TRPC4AP: variants seen among roughly 807,000 people sequenced by gnomAD.
TRPC4AP encodes the protein short transient receptor potential channel 4-associated protein.
TRPC4AP carries 45 observed loss-of-function variants against 99.0 expected under a neutral mutation model. The ratio of observed to expected loss-of-function variants is 0.45; its 90% confidence interval spans 0.36 to 0.58. TRPC4AP has a LOEUF of 0.58. Ranked by LOEUF, TRPC4AP falls within the 20% of genes least tolerant of loss-of-function variation. The probability of loss-of-function intolerance (pLI) is 0.00; values close to 1 mark genes in which losing one functional copy is unlikely to be tolerated. For synonymous variants in TRPC4AP, 408 were observed against 385.8 expected (o/e 1.06, Z -0.67); for missense variants, 879 against 985.3 (o/e 0.89, Z 1.44).
At chr20:35,020,410 C>T (rs1297459678) in intron 9 of TRPC4AP, among the ~76,000 whole-genome samples, 1 of 152,220 alleles carries the variant, frequency 6.6e-6, no homozygotes, top group East Asian at 1.9e-4. Flanking sequence ...CGCGCTGCCT[C>T]ACTGTTCCAG....
At chr20:35,031,415 T>TTTTC (rs1555907105) in intron 8 of TRPC4AP, among the ~76,000 whole-genome samples, 3 of 109,692 alleles carry the variant, frequency 2.7e-5, no homozygotes, top group Non-Finnish European at 3.6e-5. Context: ...TTTTTTTTTT[T>TTTTC]CAAAGAGATG....
intron 11 of TRPC4AP, among the ~76,000 whole-genome samples, chr20:35,012,422 T>A (rs2147276525): frequency 6.6e-6 from 1 of 152,352 alleles, no homozygotes; most frequent in South Asian, 2.1e-4. Flanking sequence ...CTGAAATTCT[T>A]GTTCACTAAG....
intron 1 of TRPC4AP, among the ~76,000 whole-genome samples, chr20:35,084,578 ATATATGTTTATATG>A (rs2084762036): frequency 7.4e-6 from 1 of 135,896 alleles, no homozygotes; most frequent in Admixed American, 7.8e-5. Context: ...GTGTATATGT[ATATATGTTTATATG>A]CATATATGTG....
chr20:35,082,252 A>C (rs954994280), intron 1 of TRPC4AP, among the ~76,000 whole-genome samples: 1 of 152,236 alleles, frequency 6.6e-6, no homozygotes. Context: ...ATATTTTAAC[A>C]CAATTAAACA....
chr20:35,089,781 G>A (rs1424579060), intron 1 of TRPC4AP, among the ~76,000 whole-genome samples: 1 of 152,092 alleles, frequency 6.6e-6, no homozygotes, highest in Non-Finnish European at 1.5e-5. Flanking sequence ...GGGAGACGGA[G>A]GATGCAGTGA....
At chr20:35,032,167 G>A (rs2083210288) in intron 8 of TRPC4AP, among the ~76,000 whole-genome samples, 1 of 152,194 alleles carries the variant, frequency 6.6e-6, no homozygotes, top group African/African-American at 2.4e-5. Flanking sequence ...TGGGATTACA[G>A]GTGTGCACCA....
intron 1 of TRPC4AP, among the ~76,000 whole-genome samples, chr20:35,090,103 A>G (rs1264988695): frequency 3.5e-5 from 1 of 28,312 alleles, no homozygotes; most frequent in Non-Finnish European, 1.0e-4. Context: ...TTCTGTCTCA[A>G]AAAAAAAAAA....
At chr20:35,066,256 C>T (rs2084142516) in intron 3 of TRPC4AP, among the ~76,000 whole-genome samples, 1 of 152,054 alleles carries the variant, frequency 6.6e-6, no homozygotes, top group Non-Finnish European at 1.5e-5. Flanking sequence ...AGGCCATGTG[C>T]TACCACAATC....
At chr20:35,029,895 C>T (rs1321044308) in intron 8 of TRPC4AP, among the ~76,000 whole-genome samples, 1 of 146,366 alleles carries the variant, frequency 6.8e-6, no homozygotes, top group Non-Finnish European at 1.5e-5. Flanking sequence ...CTCAGACTCC[C>T]AAAGTGCTGG....
At chr20:35,023,615 C>T (rs1255350742) in intron 8 of TRPC4AP, among the ~76,000 whole-genome samples, 1 of 152,200 alleles carries the variant, frequency 6.6e-6, no homozygotes, top group Non-Finnish European at 1.5e-5. Flanking sequence ...TCCATGTTAG[C>T]ACTCCTTGGC....
chr20:35,029,557 T>C (rs928121497), intron 8 of TRPC4AP, among the ~76,000 whole-genome samples: 2 of 151,862 alleles, frequency 1.3e-5, no homozygotes, highest in Non-Finnish European at 2.9e-5. Flanking sequence ...GTGTTTCTTT[T>C]GATTAATATT....
chr20:35,086,653 T>C (rs147411905), intron 1 of TRPC4AP, among the ~76,000 whole-genome samples: 1 of 151,568 alleles, frequency 6.6e-6, no homozygotes, highest in South Asian at 2.1e-4. Context: ...CAGGTAAGAT[T>C]TGTTTGACTT....
Position 35,074,850 on chromosome 20 carries a change from G to A in TRPC4AP, c.297+3196C>T, listed in dbSNP as rs576187596. On this transcript the variant is annotated intron_variant, in intron 2 of 18. Transcript: ENST00000252015. ...TGTTAACTTTCTGTCTCGTTGATCT[G>A]TCTAATGTTGACAGTGGGGTGTTAA... is the stretch of plus-strand genomic sequence containing the variant. Among the ~76,000 whole-genome samples the A allele has an allele frequency of 2.6e-5, 4 of 152,304 alleles. No individual in the cohort carries two copies. In the South Asian group the frequency reaches 8.3e-4, roughly 32 times the overall value.
chr20:35,012,995 C>A lies in TRPC4AP; in HGVS notation c.1409+13G>T. ...CCCAACAACTCTCCTTGCAGGGACA[C>A]TCTTGTACTTACTCGTGGTGGTCAC... On this transcript the variant is annotated intron_variant, in intron 11 of 18. Coordinates refer to ENST00000252015, the MANE Select transcript of TRPC4AP (RefSeq NM_015638.3). The A allele has an allele frequency of 6.2e-7, 1 of 1,614,024 alleles. No individual in the cohort carries two copies. Among genetic ancestry groups the A allele is most frequent in the Non-Finnish European group, 8.5e-7 (1 of 1,179,964 alleles).
chr20:35,003,847 G>C (rs1360935513), intron 17 of TRPC4AP, among the ~76,000 whole-genome samples: 6 of 152,168 alleles, frequency 3.9e-5, no homozygotes, highest in Non-Finnish European at 8.8e-5. Flanking sequence ...CCCACCTGAG[G>C]CAACAACACC....
chr20:35,015,461 C>CTTTTT (rs57896641), intron 10 of TRPC4AP, among the ~76,000 whole-genome samples: 3 of 126,136 alleles, frequency 2.4e-5, no homozygotes, highest in South Asian at 2.6e-4. Flanking sequence ...CAGGCAGGAA[C>CTTTTT]TTTTTTTTTT....
intron 3 of TRPC4AP, among the ~76,000 whole-genome samples, chr20:35,059,784 TGAA>T (rs67550472): frequency 0.25 from 36,641 of 149,308 alleles, 5,031 homozygotes; most frequent in African/African-American, 0.38. Flanking sequence ...ACAAAGAAGA[TGAA>T]GAAGAAGGCG....
intron 6 of TRPC4AP, among the ~76,000 whole-genome samples, chr20:35,045,890 A>T (rs768079515): frequency 2.0e-5 from 3 of 152,088 alleles, no homozygotes; most frequent in Non-Finnish European, 4.4e-5. Context: ...CCCAGGCTGG[A>T]ACTCCTGGAC....
At chr20:35,013,177 C>G (rs1352642702) in intron 10 of TRPC4AP, 111 bp from the exon 11 acceptor site, 5 of 933,704 alleles carry the variant, frequency 5.4e-6, no homozygotes, top group Non-Finnish European at 8.5e-6. Flanking sequence ...TCCTCATGTA[C>G]CATGAGGACT....
Sources: allele counts gnomAD v4.1 joint callset (sites outside exome capture counted in the v4.1 genomes callset), GRCh38; gene constraint gnomAD v4.1.1; transcripts MANE v1.5; gene names NCBI Gene and HGNC (gene_info 2026-07-23, HGNC 2026-07-21).